CDK5RAP2: variants seen among roughly 807,000 people sequenced by gnomAD.
The protein encoded by CDK5RAP2 is CDK5 regulatory subunit associated protein 2, also known as CDK5 regulatory subunit-associated protein 2.
CDK5RAP2 carries 147 observed loss-of-function variants against 232.9 expected under a neutral mutation model. The ratio of observed to expected loss-of-function variants is 0.63; its 90% confidence interval spans 0.55 to 0.72. The LOEUF is 0.72. CDK5RAP2 is among the 30% of genes least tolerant of loss of function. The pLI is 0.00. For synonymous variants in CDK5RAP2, 833 were observed against 833.7 expected (o/e 1.00, Z 0.01); for missense variants, 2,195 against 2,231.5 (o/e 0.98, Z 0.33).
In CDK5RAP2 at chr9:120,413,812, A is replaced by AGAG. The variant is rs1346344564; in HGVS notation, c.4297+1227_4297+1228insCTC. 1.1e-3 allele frequency among the ~76,000 whole-genome samples: 119 copies of AGAG among 107,108 alleles called. 2 individuals are homozygous for AGAG. In the East Asian group the frequency reaches 0.028, roughly 26 times the overall value. 70.3% of individuals were successfully genotyped at this position (107,108 alleles called of 152,430 possible). A position where few individuals can be genotyped will look rare whatever the true frequency, so the allele number is the denominator to read the frequency against. On this transcript the variant is annotated intron_variant, in intron 28 of 37. Transcript: ENST00000349780. Reference sequence around the variant, plus strand: ...CAGGAAATGGGCGCAGTGAGCGAGGAGGGAGGAGGGAGGAGGGAGGAGGGA... The same window carrying AGAG: ...CAGGAAATGGGCGCAGTGAGCGAGGAGAGGGGAGGAGGGAGGAGGGAGGAGGGA...
chr9:120,534,884 G>A (rs942144158), intron 7 of CDK5RAP2, among the ~76,000 whole-genome samples: 1 of 152,212 alleles, frequency 6.6e-6, no homozygotes, highest in African/African-American at 2.4e-5. Flanking sequence ...ACTGCTGATG[G>A]GTTGGGAGAG....
chr9:120,414,915 T>C, intron 28 of CDK5RAP2, 125 bp downstream of exon 28: 1 of 1,173,774 alleles, frequency 8.5e-7, no homozygotes. Flanking sequence ...CTGGCAGACT[T>C]CTCCAAGATG....
chr9:120,473,745 T>C (rs942827096), intron 15 of CDK5RAP2, among the ~76,000 whole-genome samples: 6 of 152,218 alleles, frequency 3.9e-5, no homozygotes, highest in African/African-American at 1.4e-4. Context: ...GATGCAGTCA[T>C]GCTGCAGAGG....
rs1230640766 is a variant in CDK5RAP2, at chr9:120,437,596, T to C, written c.3723-69A>G. 8.8e-6 allele frequency: 10 copies of C among 1,142,268 alleles called. No individual in the cohort carries two copies. The East Asian group carries it at 9.4e-5, about 11-fold the overall frequency. 70.8% of individuals were successfully genotyped at this position (1,142,268 alleles called of 1,614,324 possible). On this transcript the variant is annotated intron_variant, in intron 24 of 37. Transcript: ENST00000349780. ...TGAATTTTTGTGACCTTAACACTAA[T>C]TGGAAAAATGACAGAGTACAATTTT...
chr9:120,435,649 G>T (rs1020435902), intron 25 of CDK5RAP2, among the ~76,000 whole-genome samples: 1 of 152,074 alleles, frequency 6.6e-6, no homozygotes, highest in African/African-American at 2.4e-5. Context: ...AGTACAGGAT[G>T]AGCATGGAAA....
chr9:120,523,672 C>G (rs762346264), intron 11 of CDK5RAP2, among the ~76,000 whole-genome samples: 2 of 152,164 alleles, frequency 1.3e-5, no homozygotes, highest in Admixed American at 1.3e-4. Flanking sequence ...CTAACTTCTA[C>G]GTTACAACCA....
intron 31 of CDK5RAP2, chr9:120,408,017 C>A (rs1044322751): frequency 1.7e-5 from 6 of 354,718 alleles, no homozygotes; most frequent in Non-Finnish European, 3.3e-5. Context: ...CAACACAATT[C>A]TCCACACAAC....
At chr9:120,502,533 T>C (rs970105039) in intron 12 of CDK5RAP2, among the ~76,000 whole-genome samples, 2 of 152,246 alleles carry the variant, frequency 1.3e-5, no homozygotes, top group African/African-American at 4.8e-5. Context: ...GTTAAGAACG[T>C]CTTACACGGC....
At chr9:120,395,505 C>T (rs1188994615) in intron 35 of CDK5RAP2, among the ~76,000 whole-genome samples, 2 of 152,186 alleles carry the variant, frequency 1.3e-5, no homozygotes, top group Non-Finnish European at 2.9e-5. Flanking sequence ...ACATGCACGG[C>T]GGAGCCCTCT....
chr9:120,575,080 C>G (rs1193903630), intron 1 of CDK5RAP2, among the ~76,000 whole-genome samples: 1 of 152,092 alleles, frequency 6.6e-6, no homozygotes, highest in African/African-American at 2.4e-5. Flanking sequence ...TTTGGAGACT[C>G]TCACTCTATC....
At chr9:120,530,240 C>T in intron 7 of CDK5RAP2, 100 bp from the exon 8 acceptor site, 1 of 804,210 alleles carries the variant, frequency 1.2e-6, no homozygotes, top group Non-Finnish European at 2.1e-6. Flanking sequence ...TCAAAGTAGA[C>T]ATATACAATG....
At chr9:120,543,996 C>T (rs533668104) in intron 5 of CDK5RAP2, among the ~76,000 whole-genome samples, 1 of 152,184 alleles carries the variant, frequency 6.6e-6, no homozygotes, top group Non-Finnish European at 1.5e-5. Flanking sequence ...AGAATGTGAG[C>T]CTCATACATC....
At chr9:120,505,248 T>A (rs1255032493) in intron 12 of CDK5RAP2, among the ~76,000 whole-genome samples, 1 of 152,206 alleles carries the variant, frequency 6.6e-6, no homozygotes, top group African/African-American at 2.4e-5. Flanking sequence ...TTTTTCACTA[T>A]TAGTATCTGT....
chr9:120,530,007 G>T lies in CDK5RAP2; in HGVS notation c.796C>A (p.Pro266Thr). Residue 266 changes from proline (P) to threonine (T), a missense_variant, in exon 8 of 38, where the codon CCA (proline) becomes ACA (threonine). By Grantham distance (38) the Pro-to-Thr change is conservative. Coordinates refer to ENST00000349780, the MANE Select transcript of CDK5RAP2 (RefSeq NM_018249.6). The stretch of plus-strand genomic sequence containing the variant: ...GTTTCTCTCTCCTTTTCTTCCCTTG[G>T]AGCAGCACAAAGTCCTCGGAGCTCT... ...SGELRGLCAA[P>T]REEKERETEA... 5.0e-6 allele frequency: 8 copies of T among 1,613,862 alleles called. No homozygotes were observed. Among genetic ancestry groups the T allele is most frequent in the Non-Finnish European group, 6.8e-6 (8 of 1,179,908 alleles).
intron 12 of CDK5RAP2, among the ~76,000 whole-genome samples, chr9:120,498,312 C>T (rs1375141208): frequency 6.6e-6 from 1 of 152,148 alleles, no homozygotes; most frequent in East Asian, 1.9e-4. Flanking sequence ...CCCCCACGAC[C>T]TGGTGTTGGG....
At chr9:120,460,697 G>A in intron 18 of CDK5RAP2, 30 bp from the exon 19 acceptor site, 1 of 1,613,034 alleles carries the variant, frequency 6.2e-7, no homozygotes. Context: ...GTGTGAAAAT[G>A]CAACCCAAAA....
intron 6 of CDK5RAP2, 108 bp from the exon 7 acceptor site, chr9:120,536,634 T>C (rs1180663864): frequency 9.4e-7 from 1 of 1,069,202 alleles, no homozygotes; most frequent in Non-Finnish European, 1.4e-6. Context: ...CTCCAGCACA[T>C]TTCCCCTCCC....
At chr9:120,495,809 T>G (rs1455196607) in intron 12 of CDK5RAP2, among the ~76,000 whole-genome samples, 1 of 26,808 alleles carries the variant, frequency 3.7e-5, no homozygotes, top group Non-Finnish European at 7.2e-5. Context: ...GGTGGGGGGG[T>G]CAGCCCCCCG....
chr9:120,475,767 G>A (rs1180288441), intron 15 of CDK5RAP2, among the ~76,000 whole-genome samples: 2 of 152,182 alleles, frequency 1.3e-5, no homozygotes, highest in East Asian at 3.8e-4. Flanking sequence ...TAATTTAGAA[G>A]ATCAACATGG....
Sources: gnomAD v4.1 joint callset for allele counts (sites outside exome capture counted in the v4.1 genomes callset) on GRCh38, gnomAD v4.1.1 for gene constraint, MANE v1.5 for transcripts, NCBI Gene and HGNC (gene_info 2026-07-23, HGNC 2026-07-21) for gene names.